GATAD2A: variants seen among roughly 807,000 people sequenced by gnomAD.
GATAD2A encodes the protein GATA zinc finger domain containing 2A.
In GATAD2A, 12 loss-of-function variants were observed where a neutral mutation model predicts 68.5. That is an observed-to-expected ratio of 0.18 (90% CI 0.11 to 0.28). GATAD2A has a LOEUF of 0.28. GATAD2A is among the 10% of genes least tolerant of loss of function. The pLI, the probability that GATAD2A is intolerant of heterozygous loss-of-function variation, is 1.00. For synonymous variants in GATAD2A, 410 were observed against 375.3 expected (o/e 1.09, Z -1.07); for missense variants, 755 against 868.5 (o/e 0.87, Z 1.64).
At chr19:19,458,184 T>C (rs1304316201) in intron 1 of GATAD2A, among the ~76,000 whole-genome samples, 1 of 152,216 alleles carries the variant, frequency 6.6e-6, no homozygotes. Flanking sequence ...TGTTCTCCTT[T>C]TGAGAAAGCC....
chr19:19,430,988 T>G (rs1366944456), intron 1 of GATAD2A, among the ~76,000 whole-genome samples: 2 of 139,644 alleles, frequency 1.4e-5, no homozygotes, highest in South Asian at 2.6e-4. Context: ...TGTGTGTGTG[T>G]GTGTGTGTGT....
intron 1 of GATAD2A, chr19:19,457,190 G>A (rs1252357612): frequency 1.0e-6 from 1 of 985,306 alleles, no homozygotes; most frequent in African/African-American, 1.7e-5. Context: ...CAGGGACATG[G>A]ACAAGGTGTT....
At chr19:19,440,280 A>AT (rs949917895) in intron 1 of GATAD2A, 16 of 232,798 alleles carry the variant, frequency 6.9e-5, no homozygotes, top group Non-Finnish European at 1.1e-4. Flanking sequence ...TTATTTATTT[A>AT]TTTTTTTTGA....
intron 1 of GATAD2A, among the ~76,000 whole-genome samples, chr19:19,457,575 C>T (rs1010078682): frequency 1.3e-5 from 2 of 151,998 alleles, no homozygotes; most frequent in Non-Finnish European, 2.9e-5. Context: ...CCTGTCTCTA[C>T]TAAAAAATAC....
At chr19:19,436,419 A>G (rs1379161125) in intron 1 of GATAD2A, among the ~76,000 whole-genome samples, 3 of 152,248 alleles carry the variant, frequency 2.0e-5, no homozygotes, top group African/African-American at 7.2e-5. Context: ...TCAGGGAAAA[A>G]GAAACCATTC....
intron 5 of GATAD2A, 87 bp from the exon 6 acceptor site, chr19:19,495,666 CT>C: frequency 1.3e-6 from 1 of 783,032 alleles, no homozygotes; most frequent in Non-Finnish European, 1.9e-6. Context: ...CTAGTATGTA[CT>C]TTCATAAAAG....
chr19:19,421,239 A>AGAGG (rs2052381792), intron 1 of GATAD2A, among the ~76,000 whole-genome samples: 1 of 152,164 alleles, frequency 6.6e-6, no homozygotes, highest in African/African-American at 2.4e-5. Flanking sequence ...GGCTTGAGAT[A>AGAGG]GAGGGAGGGA....
Position 19,506,008 on chromosome 19 carries a change from G to A in GATAD2A, c.*534G>A. ...TTTTTAATCACCTCATGATGATGGAGTTAAAAGTAAACCGTGCAGACCCTG... is the reference window on the plus strand; with the variant it reads ...TTTTTAATCACCTCATGATGATGGAATTAAAAGTAAACCGTGCAGACCCTG... On this transcript the variant is annotated 3_prime_UTR_variant, in exon 12 of 12. Coordinates refer to ENST00000683918, the MANE Select transcript of GATAD2A (RefSeq NM_001384528.1). The A allele has an allele frequency of 2.5e-6, 1 of 398,694 alleles. No homozygotes were observed. Among genetic ancestry groups the A allele is most frequent in the Non-Finnish European group, 4.4e-6 (1 of 226,096 alleles). 24.7% of individuals were successfully genotyped at this position (398,694 alleles called of 1,614,324 possible).
chr19:19,396,494 G>A (rs1261312969), intron 1 of GATAD2A, among the ~76,000 whole-genome samples: 2 of 152,130 alleles, frequency 1.3e-5, no homozygotes, highest in Non-Finnish European at 2.9e-5. Context: ...TCCCAGTTGA[G>A]ATCCCTTAGT....
chr19:19,434,134 TG>T lies in GATAD2A; in HGVS notation c.-7+28116del, dbSNP rs1299401673. Reference sequence around the variant, plus strand: ...TTATCCTTAAGTATTTCACCTTTTTTGTGCTAATGTAGATGACTTTTTTCAG... The same window carrying T: ...TTATCCTTAAGTATTTCACCTTTTTTTGCTAATGTAGATGACTTTTTTCAG... On this transcript the variant is annotated intron_variant, in intron 1 of 11. Coordinates refer to ENST00000683918, the MANE Select transcript of GATAD2A (RefSeq NM_001384528.1). Among the ~76,000 whole-genome samples the T allele has an allele frequency of 2.6e-5, 4 of 152,200 alleles. No homozygotes were observed. In the East Asian group the frequency reaches 7.7e-4, roughly 29 times the overall value.
At chr19:19,495,358 G>A (rs1371931398) in intron 5 of GATAD2A, among the ~76,000 whole-genome samples, 2 of 151,920 alleles carry the variant, frequency 1.3e-5, no homozygotes, top group African/African-American at 4.8e-5. Context: ...GCCCAGGCTG[G>A]AGTGCAGTGG....
chr19:19,455,063 A>G (rs2056801394), intron 1 of GATAD2A, among the ~76,000 whole-genome samples: 1 of 152,098 alleles, frequency 6.6e-6, no homozygotes, highest in Non-Finnish European at 1.5e-5. Context: ...GATTGAAAAT[A>G]TTTGGGGTAA....
intron 1 of GATAD2A, chr19:19,435,072 G>C (rs1209686830): frequency 3.8e-6 from 2 of 531,342 alleles, no homozygotes; most frequent in African/African-American, 1.9e-5. Flanking sequence ...TGTGACCCTG[G>C]GCAAGTTCCT....
rs762815199 is a variant in GATAD2A, at chr19:19,494,341, T to C, written c.582T>C (p.Val194=). ...GSTVTTPPPL[V]RGTQNIPAGK... The stretch of plus-strand genomic sequence containing the variant: ...CCGTGACCACCCCTCCCCCGCTTGT[T>C]CGGGGCACTCAGAACATTCCTGCTG... Residue 194 remains valine (V), a synonymous_variant, in exon 5 of 12, where the codon GTT becomes GTC. Transcript: ENST00000683918. 13 of 1,613,042 alleles carry C rather than the reference T, an allele frequency of 8.1e-6. No individual in the cohort carries two copies. Among genetic ancestry groups the C allele is most frequent in the Non-Finnish European group, 8.5e-6 (10 of 1,179,188 alleles).
At chr19:19,479,831 CTTTTTTTTTTT>C (rs35537344) in intron 2 of GATAD2A, among the ~76,000 whole-genome samples, 3 of 85,580 alleles carry the variant, frequency 3.5e-5, no homozygotes, top group South Asian at 4.4e-4. Flanking sequence ...GTGGCCCACT[CTTTTTTTTTTT>C]TTTTTTTTTT....
chr19:19,481,492 A>T (rs2059056995), intron 2 of GATAD2A, among the ~76,000 whole-genome samples: 1 of 152,090 alleles, frequency 6.6e-6, no homozygotes, highest in African/African-American at 2.4e-5. Context: ...CACCATGCCC[A>T]GCTTTTTAAT....
chr19:19,410,145 G>A (rs1434840485), intron 1 of GATAD2A, among the ~76,000 whole-genome samples: 2 of 152,134 alleles, frequency 1.3e-5, no homozygotes, highest in Non-Finnish European at 2.9e-5. Context: ...CACCTTCACA[G>A]GTGAGTTTGT....
intron 1 of GATAD2A, among the ~76,000 whole-genome samples, chr19:19,447,674 T>C (rs1291371393): frequency 1.3e-5 from 2 of 152,190 alleles, no homozygotes; most frequent in Non-Finnish European, 2.9e-5. Flanking sequence ...ATCATAGAAG[T>C]AGGTTTCCCT....
chr19:19,444,631 G>A (rs1404730497), intron 1 of GATAD2A, among the ~76,000 whole-genome samples: 1 of 152,128 alleles, frequency 6.6e-6, no homozygotes, highest in Non-Finnish European at 1.5e-5. Flanking sequence ...AGCACTTTGG[G>A]AGGCCAAGGC....
Sources: gnomAD v4.1 joint callset for allele counts (sites outside exome capture counted in the v4.1 genomes callset) on GRCh38, gnomAD v4.1.1 for gene constraint, MANE v1.5 for transcripts, NCBI Gene and HGNC (gene_info 2026-07-23, HGNC 2026-07-21) for gene names.